KCNQ1: variants seen among roughly 807,000 people sequenced by gnomAD.
The protein encoded by KCNQ1 is potassium voltage-gated channel subfamily Q member 1.
KCNQ1 carries 49 observed loss-of-function variants against 72.4 expected under a neutral mutation model. The observed-to-expected ratio is 0.68, with a 90% CI of 0.54 to 0.86. KCNQ1 has a LOEUF of 0.86. Among genes scored for constraint, KCNQ1 ranks in the 40% least tolerant of loss-of-function variants. KCNQ1 has a pLI of 0.00. For synonymous variants in KCNQ1, 450 were observed against 412.6 expected (o/e 1.09, Z -1.10); for missense variants, 790 against 945.1 (o/e 0.84, Z 2.15).
In KCNQ1 at chr11:2,592,017, A is replaced by G. The variant is rs1465929947; in HGVS notation, c.1393+3163A>G. Among the ~76,000 whole-genome samples, 1 of 152,216 alleles carries G rather than the reference A, an allele frequency of 6.6e-6. No homozygotes were observed. The highest frequency in any genetic ancestry group is 1.5e-5 in the Non-Finnish European group (1 of 68,034). On this transcript the variant is annotated intron_variant, in intron 10 of 15. Coordinates refer to ENST00000155840, the MANE Select transcript of KCNQ1 (RefSeq NM_000218.3). The surrounding 1 kb of genome is among the most constrained non-coding windows in gnomAD (Gnocchi z 5.2). ...CCCCACTCCCGCAAGGCGGGTACGA[A>G]CAGCCACACTGAGTCCCCCGCAAAG...
At chr11:2,751,648 C>G (rs111978267) in intron 11 of KCNQ1, among the ~76,000 whole-genome samples, 1 of 152,270 alleles carries the variant, frequency 6.6e-6, no homozygotes, top group Non-Finnish European at 1.5e-5. Context: ...GTTCTGAGAG[C>G]GGTGGCTGTC....
At chr11:2,568,020 G>C (rs179482) in intron 2 of KCNQ1, among the ~76,000 whole-genome samples, 63 of 152,192 alleles carry the variant, frequency 4.1e-4, no homozygotes, top group Non-Finnish European at 8.8e-4. Flanking sequence ...TATAATCCCA[G>C]CACTTTGGGA....
At position 2,767,493 on chromosome 11, in the gene KCNQ1, T is replaced by A. The variant is rs1846520480; in HGVS notation, c.1515-1351T>A. ...GAAGTACCACACCTTTAGATCTGTA[T>A]GATCTCTCTTTTCCCTTGCCTTTTA... On this transcript the variant is annotated intron_variant, in intron 11 of 15. Transcript: ENST00000155840. The surrounding 1 kb of genome is among the most constrained non-coding windows in gnomAD (Gnocchi z 4.6). 6.6e-6 allele frequency among the ~76,000 whole-genome samples: 1 copy of A among 152,238 alleles called. No homozygotes were observed. Among genetic ancestry groups the A allele is most frequent in the African/African-American group, 2.4e-5 (1 of 41,472 alleles).
At position 2,545,576 on chromosome 11, in the gene KCNQ1, A is replaced by C. The variant is rs556883045; in HGVS notation, c.477+17558A>C. Among the ~76,000 whole-genome samples, 8 of 152,268 alleles carry C rather than the reference A, an allele frequency of 5.3e-5. No individual in the cohort carries two copies. In the South Asian group the frequency reaches 1.7e-3, roughly 32 times the overall value. On this transcript the variant is annotated intron_variant, in intron 2 of 15. Transcript: ENST00000155840. ...TATATTCAGGTGATTGATAATAGTT[A>C]TAGTCAGGTGATTGATAATTACATT...
Position 2,497,411 on chromosome 11 carries a change from A to C in KCNQ1, c.387-30517A>C, listed in dbSNP as rs1453126551. ...TCTTGTCTGCATGCCTTATTTCGTTAAGTTGATCTTCAATCTCTGATATCC... is the reference window on the plus strand; with the variant it reads ...TCTTGTCTGCATGCCTTATTTCGTTCAGTTGATCTTCAATCTCTGATATCC... On this transcript the variant is annotated intron_variant, in intron 1 of 15. Coordinates refer to ENST00000155840, the MANE Select transcript of KCNQ1 (RefSeq NM_000218.3). The surrounding 1 kb of genome is among the most constrained non-coding windows in gnomAD (Gnocchi z 4.5). Among the ~76,000 whole-genome samples the C allele has an allele frequency of 6.6e-6, 1 of 151,984 alleles. No homozygotes were observed. Among genetic ancestry groups the C allele is most frequent in the Non-Finnish European group, 1.5e-5 (1 of 67,998 alleles).
At chr11:2,558,219 T>C (rs1848100230) in intron 2 of KCNQ1, among the ~76,000 whole-genome samples, 1 of 152,240 alleles carries the variant, frequency 6.6e-6, no homozygotes, top group Non-Finnish European at 1.5e-5. Flanking sequence ...TTTTGTAAAT[T>C]CCATGCCAGT....
intron 15 of KCNQ1, among the ~76,000 whole-genome samples, chr11:2,835,174 C>T (rs1466548479): frequency 6.6e-6 from 1 of 152,168 alleles, no homozygotes; most frequent in Non-Finnish European, 1.5e-5. Flanking sequence ...CCAGGCCTGG[C>T]TTGAGGTGGG....
chr11:2,524,013 T>A (rs1847448411), intron 1 of KCNQ1, among the ~76,000 whole-genome samples: 1 of 152,102 alleles, frequency 6.6e-6, no homozygotes, highest in African/African-American at 2.4e-5. Flanking sequence ...CCTTGTCCTG[T>A]GAACAAGTTA....
intron 15 of KCNQ1, among the ~76,000 whole-genome samples, chr11:2,789,788 G>A (rs746006057): frequency 3.9e-5 from 6 of 152,238 alleles, no homozygotes; most frequent in Non-Finnish European, 5.9e-5. Context: ...TCATTTCGAG[G>A]TGTTTCTTTT....
intron 6 of KCNQ1, among the ~76,000 whole-genome samples, chr11:2,580,317 A>T (rs2133745504): frequency 6.6e-6 from 1 of 152,238 alleles, no homozygotes; most frequent in South Asian, 2.1e-4. Context: ...CCTGACGGAG[A>T]AGCCTGGCTC....
intron 11 of KCNQ1, among the ~76,000 whole-genome samples, chr11:2,731,214 T>C (rs970532116): frequency 6.6e-6 from 1 of 152,152 alleles, no homozygotes; most frequent in Non-Finnish European, 1.5e-5. Context: ...GCTGAATTCC[T>C]CAAGGCCTGA....
At position 2,746,180 on chromosome 11, in the gene KCNQ1, A is replaced by G. The variant is rs746720111; in HGVS notation, c.1515-22664A>G. Among the ~76,000 whole-genome samples the G allele has an allele frequency of 6.6e-6, 1 of 152,218 alleles. No individual in the cohort carries two copies. Among genetic ancestry groups the G allele is most frequent in the Non-Finnish European group, 1.5e-5 (1 of 68,044 alleles). The stretch of plus-strand genomic sequence containing the variant: ...GCTGGGATTATAGGCATGAGGCACC[A>G]TGCCCAGCCTCTTGCCGTCATTTTT... On this transcript the variant is annotated intron_variant, in intron 11 of 15. Coordinates refer to ENST00000155840, the MANE Select transcript of KCNQ1 (RefSeq NM_000218.3). This position sits in a 1 kb window ranked among gnomAD's most constrained non-coding sequence, Gnocchi z 5.9.
rs780571915 is a variant in KCNQ1 at position 2,479,491 on chromosome 11, C to G, written c.386+34007C>G. ...AAGCTACCAAGAGTTGGGGCTTGCA[C>G]CCTCTGAAGCCACAGCCCAAGCTGT... On this transcript the variant is annotated intron_variant, in intron 1 of 15. Transcript: ENST00000155840. This position sits in a 1 kb window ranked among gnomAD's most constrained non-coding sequence, Gnocchi z 4.6. Among the ~76,000 whole-genome samples the G allele has an allele frequency of 6.6e-6, 1 of 152,250 alleles. No homozygotes were observed. The highest frequency in any genetic ancestry group is 2.4e-5 in the African/African-American group (1 of 41,468).
chr11:2,673,709 C>A lies in KCNQ1; in HGVS notation c.1514+11628C>A, dbSNP rs1850231494. On this transcript the variant is annotated intron_variant, in intron 11 of 15. Transcript: ENST00000155840. This position sits in a 1 kb window ranked among gnomAD's most constrained non-coding sequence, Gnocchi z 4.5. Reference sequence around the variant, plus strand: ...TGTTTAATTCCTGAGGTTGCTGAATCTCAGGGCTTGGAAGGCCCAGACTGG... The same window carrying A: ...TGTTTAATTCCTGAGGTTGCTGAATATCAGGGCTTGGAAGGCCCAGACTGG... 1 of 398,634 alleles carries A rather than the reference C, an allele frequency of 2.5e-6. No homozygotes were observed. The allele number at this position is 398,634 out of a possible 1,614,324, so 24.7% of individuals were successfully genotyped here.
Position 2,579,666 on chromosome 11 carries a change from C to T in KCNQ1, c.922-3769C>T, listed in dbSNP as rs1848470999. Among the ~76,000 whole-genome samples the T allele has an allele frequency of 6.6e-6, 1 of 152,174 alleles. No homozygotes were observed. Among genetic ancestry groups the T allele is most frequent in the African/African-American group, 2.4e-5 (1 of 41,446 alleles). ...ACCAGGCGAAGGTGGGGTCCTGGAG[C>T]TGCGTCCTGCTGTATGTGTGCTCTC... On this transcript the variant is annotated intron_variant, in intron 6 of 15. Coordinates refer to ENST00000155840, the MANE Select transcript of KCNQ1 (RefSeq NM_000218.3). This position sits in a 1 kb window ranked among gnomAD's most constrained non-coding sequence, Gnocchi z 6.0.
At position 2,475,237 on chromosome 11, in the gene KCNQ1, A is replaced by G. The variant is rs762345227; in HGVS notation, c.386+29753A>G. 1.3e-4 allele frequency among the ~76,000 whole-genome samples: 20 copies of G among 152,098 alleles called. No homozygotes were observed. Among genetic ancestry groups the G allele is most frequent in the Non-Finnish European group, 2.8e-4 (19 of 68,022 alleles). Reference sequence around the variant, plus strand: ...GTTTCATGTGCCTGAAATCATGGCAAACGTGGCCCTGTGTGTCTGGTTTCC... The same window carrying G: ...GTTTCATGTGCCTGAAATCATGGCAGACGTGGCCCTGTGTGTCTGGTTTCC... On this transcript the variant is annotated intron_variant, in intron 1 of 15. Coordinates refer to ENST00000155840, the MANE Select transcript of KCNQ1 (RefSeq NM_000218.3). The surrounding 1 kb of genome is among the most constrained non-coding windows in gnomAD (Gnocchi z 5.8).
chr11:2,766,963 G>T lies in KCNQ1; in HGVS notation c.1515-1881G>T, dbSNP rs1030978862. Among the ~76,000 whole-genome samples the T allele has an allele frequency of 6.6e-6, 1 of 150,690 alleles. No individual in the cohort carries two copies. Among genetic ancestry groups the T allele is most frequent in the Non-Finnish European group, 1.5e-5 (1 of 67,600 alleles). On this transcript the variant is annotated intron_variant, in intron 11 of 15. Transcript: ENST00000155840. This position sits in a 1 kb window ranked among gnomAD's most constrained non-coding sequence, Gnocchi z 4.4. ...GGAGGCCAAGGCGGACAGATCATGA[G>T]GTCAAGAGATCAACACCATCCTAGC...
Position 2,687,522 on chromosome 11 carries a change from G to C in KCNQ1, c.1514+25441G>C, listed in dbSNP as rs1335167604. ...CTAGGACTTGAGACCAGCCTCCTCT[G>C]TATGGTCCCTTCCCTGGTGCACCTA... On this transcript the variant is annotated intron_variant, in intron 11 of 15. Coordinates refer to ENST00000155840, the MANE Select transcript of KCNQ1 (RefSeq NM_000218.3). This position sits in a 1 kb window ranked among gnomAD's most constrained non-coding sequence, Gnocchi z 5.0. The C allele has an allele frequency of 7.5e-6, 3 of 398,718 alleles. No individual in the cohort carries two copies. The highest frequency in any genetic ancestry group is 1.3e-5 in the Non-Finnish European group (3 of 226,160). The allele number at this position is 398,718 out of a possible 1,614,324, so 24.7% of individuals were successfully genotyped here.
Position 2,617,152 on chromosome 11 carries a change from T to C in KCNQ1, c.1393+28298T>C. 2.5e-6 allele frequency: 1 copy of C among 398,356 alleles called. No homozygotes were observed. Among genetic ancestry groups the C allele is most frequent in the Non-Finnish European group, 4.4e-6 (1 of 225,892 alleles). 24.7% of individuals were successfully genotyped at this position (398,356 alleles called of 1,614,324 possible). On this transcript the variant is annotated intron_variant, in intron 10 of 15. Transcript: ENST00000155840. The surrounding 1 kb of genome is among the most constrained non-coding windows in gnomAD (Gnocchi z 4.6). ...TGCAATATACTAACTATTCTCATGT[T>C]CTACATGAGATCTCTAGACTTGTTC...
Sources: gnomAD v4.1 joint callset for allele counts (sites outside exome capture counted in the v4.1 genomes callset) on GRCh38, gnomAD v4.1.1 for gene constraint, Gnocchi (gnomAD v3.1) non-coding constraint, MANE v1.5 for transcripts, NCBI Gene and HGNC (gene_info 2026-07-23, HGNC 2026-07-21) for gene names.